DENND11: variants seen among roughly 807,000 people sequenced by gnomAD.
DENND11 encodes DENN domain containing 11.
DENND11 carries 34 observed loss-of-function variants against 49.2 expected under a neutral mutation model. The observed-to-expected ratio is 0.69, with a 90% CI of 0.53 to 0.92. The LOEUF (loss-of-function observed/expected upper bound fraction) is 0.92, where lower values mean the gene tolerates loss of function less well. Ranked by LOEUF, DENND11 falls within the 40% of genes least tolerant of loss-of-function variation. DENND11 has a pLI of 0.00. For synonymous variants in DENND11, 238 were observed against 230.3 expected (o/e 1.03, Z -0.30); for missense variants, 475 against 581.6 (o/e 0.82, Z 1.88).
chr7:141,659,380 C>T lies in DENND11; in HGVS notation c.*3276G>A, dbSNP rs1167204321. The stretch of plus-strand genomic sequence containing the variant: ...TTCTAAACACATAATTTGGGCCATA[C>T]TTTTAGTCTGGTAGGGGATAAGCCC... On this transcript the variant is annotated 3_prime_UTR_variant, in exon 9 of 9. Coordinates refer to ENST00000536163, the MANE Select transcript of DENND11 (RefSeq NM_001080392.2). 1 of 152,230 alleles carries T rather than the reference C, an allele frequency of 6.6e-6. No homozygotes were observed. Among genetic ancestry groups the T allele is most frequent in the East Asian group, 1.9e-4 (1 of 5,204 alleles). The allele number at this position is 152,230 out of a possible 1,614,324, so 9.4% of individuals were successfully genotyped here. A position where few individuals can be genotyped will look rare whatever the true frequency, so the allele number is the denominator to read the frequency against.
intron 3 of DENND11, among the ~76,000 whole-genome samples, chr7:141,678,458 T>C (rs890105313): frequency 1.3e-5 from 2 of 152,206 alleles, no homozygotes; most frequent in Non-Finnish European, 2.9e-5. Flanking sequence ...ATTTTATACT[T>C]AGTCATTTTA....
At chr7:141,686,782 G>A (rs2117073775) in intron 1 of DENND11, 124 bp from the exon 2 acceptor site, 2 of 669,886 alleles carry the variant, frequency 3.0e-6, no homozygotes, top group Admixed American at 2.4e-5. Flanking sequence ...AGACAGACCA[G>A]CGAGATGCTC....
At chr7:141,701,756 G>A (rs1798523492) in intron 1 of DENND11, 130 bp downstream of exon 1, 1 of 783,742 alleles carries the variant, frequency 1.3e-6, no homozygotes, top group Non-Finnish European at 1.6e-6. Flanking sequence ...CCGGGAGCCC[G>A]GGGCCGGCCC....
intron 1 of DENND11, among the ~76,000 whole-genome samples, chr7:141,688,165 G>A (rs1189944857): frequency 6.6e-6 from 1 of 152,198 alleles, no homozygotes; most frequent in East Asian, 1.9e-4. Context: ...AGAGTCTTGA[G>A]AGAACACTAT....
intron 1 of DENND11, among the ~76,000 whole-genome samples, chr7:141,698,075 C>T (rs1798444266): frequency 6.6e-6 from 1 of 152,164 alleles, no homozygotes; most frequent in Non-Finnish European, 1.5e-5. Context: ...ACTCTAAACG[C>T]AGCAGTGTAA....
intron 3 of DENND11, 146 bp from the exon 4 acceptor site, chr7:141,674,366 A>C (rs1320464197): frequency 2.1e-5 from 29 of 1,356,896 alleles, no homozygotes; most frequent in Non-Finnish European, 2.8e-5. Flanking sequence ...AAAGATCCCC[A>C]TTTGGAGGTT....
At chr7:141,677,211 G>C (rs1798071126) in intron 3 of DENND11, among the ~76,000 whole-genome samples, 1 of 151,646 alleles carries the variant, frequency 6.6e-6, no homozygotes, top group Non-Finnish European at 1.5e-5. Flanking sequence ...GGATCGCTTG[G>C]GGCCAGAAGT....
At chr7:141,685,012 C>CAAAAAA (rs869107786) in intron 3 of DENND11, among the ~76,000 whole-genome samples, 15 of 40,232 alleles carry the variant, frequency 3.7e-4, no homozygotes, top group East Asian at 9.5e-4. Flanking sequence ...CTGTCTCTAC[C>CAAAAAA]AAAAAAAAAA....
In DENND11 at chr7:141,664,231, C is replaced by T. The variant is rs1345501408; in HGVS notation, c.1113G>A (p.Leu371=). 6.3e-7 allele frequency: 1 copy of T among 1,582,720 alleles called. No homozygotes were observed. Among genetic ancestry groups the T allele is most frequent in the East Asian group, 2.3e-5 (1 of 43,716 alleles). ...CTTCTTCTACTTCCTGGGAGTACAA[C>T]AGCATCTGCCTGTTGGGAAGATCAC... ...YRRLNEQRQM[L]LYSQEVEEDY... is the part of the protein sequence containing the mutation. The change falls in exon 8 of 9, where the codon CTG becomes CTA. Residue 371 remains leucine, a synonymous_variant. Coordinates refer to ENST00000536163, the MANE Select transcript of DENND11 (RefSeq NM_001080392.2).
chr7:141,659,224 G>A lies in DENND11; in HGVS notation c.*3432C>T, dbSNP rs1797750356. ...AGATGCTATAATGGATGATGGATAT[G>A]GAAGGCAAAAGCCTTCTAATTCATT... is the stretch of plus-strand genomic sequence containing the variant. On this transcript the variant is annotated 3_prime_UTR_variant, in exon 9 of 9. Transcript: ENST00000536163. The A allele has an allele frequency of 6.6e-6, 1 of 152,192 alleles. No individual in the cohort carries two copies. The highest frequency in any genetic ancestry group is 2.4e-5 in the African/African-American group (1 of 41,446). The allele number at this position is 152,192 out of a possible 1,614,324, so 9.4% of individuals were successfully genotyped here. A position where few individuals can be genotyped will look rare whatever the true frequency, so the allele number is the denominator to read the frequency against.
At position 141,665,024 on chromosome 7, in the gene DENND11, C is replaced by T. The variant is rs759525270; in HGVS notation, c.983G>A (p.Arg328Gln). The change falls in exon 7 of 9, where the codon CGG (arginine) becomes CAG (glutamine). Residue 328 changes from arginine (R) to glutamine (Q), a missense_variant. Coordinates refer to ENST00000536163, the MANE Select transcript of DENND11 (RefSeq NM_001080392.2). ...ATCCACGTAGACGTCATACAGCTCC[C>T]GCTTCTCCTCGAATATCTTCTCTGT... is the stretch of plus-strand genomic sequence containing the variant. ...CTTEKIFEEK[R>Q]ELYDVYVDNQ... The T allele has an allele frequency of 3.9e-5, 63 of 1,613,800 alleles. No homozygotes were observed. The highest frequency in any genetic ancestry group is 8.3e-5 in the Admixed American group (5 of 59,990).
chr7:141,698,726 AAC>A (rs147485805), intron 1 of DENND11, among the ~76,000 whole-genome samples: 8 of 151,270 alleles, frequency 5.3e-5, no homozygotes, highest in East Asian at 1.9e-4. Flanking sequence ...TTCCTGCTCA[AAC>A]ACACACACAC....
chr7:141,683,512 G>A (rs1483092071), intron 3 of DENND11, among the ~76,000 whole-genome samples: 3 of 152,184 alleles, frequency 2.0e-5, no homozygotes, highest in South Asian at 2.1e-4. Flanking sequence ...CTGTGGTGGC[G>A]GGCCCCTGTA....
chr7:141,664,203 AGTC>A lies in DENND11; in HGVS notation c.1138_1140del (p.Asp380del). 1 of 1,585,298 alleles carries A rather than the reference AGTC, an allele frequency of 6.3e-7. No individual in the cohort carries two copies. The highest frequency in any genetic ancestry group is 1.2e-5 in the South Asian group (1 of 86,658). ...AAGAGGTCCTCTTCACAAGGGTTGT[AGTC>A]TTCTTCTACTTCCTGGGAGTACAAC... is the stretch of plus-strand genomic sequence containing the variant. On this transcript the variant is annotated inframe_deletion, in exon 8 of 9. Transcript: ENST00000536163.
intron 4 of DENND11, among the ~76,000 whole-genome samples, chr7:141,668,039 T>C (rs13221024): frequency 0.11 from 17,177 of 152,248 alleles, 1,367 homozygotes; most frequent in East Asian, 0.35. Context: ...CCAAAGCACG[T>C]GCCGGTTCCT....
At chr7:141,697,374 A>G (rs1798431557) in intron 1 of DENND11, among the ~76,000 whole-genome samples, 1 of 152,236 alleles carries the variant, frequency 6.6e-6, no homozygotes, top group Non-Finnish European at 1.5e-5. Context: ...GTGAATCACC[A>G]ACAGCCTGGG....
chr7:141,669,138 C>T (rs1300882019), intron 4 of DENND11, among the ~76,000 whole-genome samples: 2 of 152,138 alleles, frequency 1.3e-5, no homozygotes, highest in East Asian at 3.9e-4. Context: ...ACATCTGGAC[C>T]TCTCAGAGAG....
Position 141,659,149 on chromosome 7 carries a change from T to C in DENND11, c.*3507A>G, listed in dbSNP as rs1797748735. On this transcript the variant is annotated 3_prime_UTR_variant, in exon 9 of 9. Coordinates refer to ENST00000536163, the MANE Select transcript of DENND11 (RefSeq NM_001080392.2). ...AAGTTCCTAAGCTAAATTACTTCTA[T>C]TGATACATCAATGATTTCAGCTTCC... The C allele has an allele frequency of 6.6e-6, 1 of 152,196 alleles. No homozygotes were observed. The highest frequency in any genetic ancestry group is 1.5e-5 in the Non-Finnish European group (1 of 68,038). 9.4% of individuals were successfully genotyped at this position (152,196 alleles called of 1,614,324 possible).
At chr7:141,666,481 A>G in intron 4 of DENND11, 56 bp from the exon 5 acceptor site, 6 of 1,466,804 alleles carry the variant, frequency 4.1e-6, no homozygotes, top group Non-Finnish European at 5.5e-6. Flanking sequence ...CTTCTTAGAA[A>G]TATAGCAAAA....
Sources: gnomAD v4.1 joint callset for allele counts (sites outside exome capture counted in the v4.1 genomes callset) on GRCh38, gnomAD v4.1.1 for gene constraint, MANE v1.5 for transcripts, NCBI Gene and HGNC (gene_info 2026-07-23, HGNC 2026-07-21) for gene names.